RBPJ: variants seen among roughly 807,000 people sequenced by gnomAD.
RBPJ encodes the protein recombining binding protein suppressor of hairless.
Under a neutral mutation model 67.8 loss-of-function variants are expected in RBPJ, and 9 were observed. The ratio of observed to expected loss-of-function variants is 0.13; its 90% confidence interval spans 0.08 to 0.23. The LOEUF (loss-of-function observed/expected upper bound fraction) is 0.23, where lower values mean the gene tolerates loss of function less well. Among genes scored for constraint, RBPJ ranks in the 10% least tolerant of loss-of-function variants. The probability of loss-of-function intolerance (pLI) is 1.00; values close to 1 mark genes in which losing one functional copy is unlikely to be tolerated. For missense variants in RBPJ, 305 were observed against 595.6 expected (o/e 0.51, Z 5.08); for synonymous variants, 198 against 203.3 (o/e 0.97, Z 0.22).
At chr4:26,407,821 T>A (rs1207421028) in intron 3 of RBPJ, among the ~76,000 whole-genome samples, 1 of 151,310 alleles carries the variant, frequency 6.6e-6, no homozygotes, top group Non-Finnish European at 1.5e-5. Context: ...TAAAAGAGAA[T>A]TTTTAGGAAG....
chr4:26,338,150 T>C (rs1725078953), intron 1 of RBPJ, among the ~76,000 whole-genome samples: 1 of 145,872 alleles, frequency 6.9e-6, no homozygotes, highest in Non-Finnish European at 1.5e-5. Context: ...ATGTGTATTT[T>C]TCTTTCTTTT....
intron 1 of RBPJ, among the ~76,000 whole-genome samples, chr4:26,342,025 G>C (rs1412489398): frequency 6.6e-6 from 1 of 152,180 alleles, no homozygotes; most frequent in Non-Finnish European, 1.5e-5. Flanking sequence ...AATTCAGCAG[G>C]CATCAGAGTC....
chr4:26,152,212 G>A, the RBPJ span, among the ~76,000 whole-genome samples: 36 of 152,330 alleles, frequency 2.4e-4, no homozygotes, highest in Admixed American at 2.0e-3. Flanking sequence ...ATTCAGGAGT[G>A]GCTATGGGAC....
intron 1 of RBPJ, among the ~76,000 whole-genome samples, chr4:26,188,402 A>T (rs902709568): frequency 3.3e-5 from 5 of 152,236 alleles, no homozygotes; most frequent in African/African-American, 1.2e-4. Context: ...TCAACTTGAG[A>T]ACAGATTTGT....
chr4:26,327,814 C>T (rs1723795306), intron 1 of RBPJ, among the ~76,000 whole-genome samples: 1 of 151,922 alleles, frequency 6.6e-6, no homozygotes, highest in Non-Finnish European at 1.5e-5. Flanking sequence ...CACTGTACTC[C>T]AGCCTGGGTG....
chr4:26,207,554 T>C (rs1248351335), intron 1 of RBPJ, among the ~76,000 whole-genome samples: 1 of 152,210 alleles, frequency 6.6e-6, no homozygotes, highest in Non-Finnish European at 1.5e-5. Context: ...ACATGTGAGC[T>C]AAGGATAAAG....
At chr4:26,346,273 G>C (rs1036088337) in intron 1 of RBPJ, among the ~76,000 whole-genome samples, 1 of 152,212 alleles carries the variant, frequency 6.6e-6, no homozygotes, top group Non-Finnish European at 1.5e-5. Flanking sequence ...GACTTCCAGA[G>C]AGGAAAAGAC....
intron 2 of RBPJ, among the ~76,000 whole-genome samples, chr4:26,395,400 G>C (rs1183468707): frequency 1.3e-5 from 2 of 152,166 alleles, no homozygotes; most frequent in East Asian, 3.8e-4. Flanking sequence ...CAGTGAGCCG[G>C]ATTGTGCCAC....
At chr4:26,145,173 C>T in the RBPJ span, among the ~76,000 whole-genome samples, 1 of 151,980 alleles carries the variant, frequency 6.6e-6, no homozygotes, top group African/African-American at 2.4e-5. Context: ...ACAAGCTGCT[C>T]GTCCCAGACT....
chr4:26,109,031 C>A, the RBPJ span, among the ~76,000 whole-genome samples: 1 of 151,842 alleles, frequency 6.6e-6, no homozygotes, highest in Non-Finnish European at 1.5e-5. Flanking sequence ...CTCATTCTTA[C>A]TCTTCCTCAC....
chr4:26,289,384 C>CAAAAAAAAAAAAAAAAAAAAAAAA (rs60159669), intron 1 of RBPJ, among the ~76,000 whole-genome samples: 22 of 78,312 alleles, frequency 2.8e-4, no homozygotes, highest in African/African-American at 8.3e-4. Flanking sequence ...GACTTGGTCT[C>CAAAAAAAAAAAAAAAAAAAAAAAA]AAAAAAAAAA....
At chr4:26,200,989 G>A (rs1310643914) in intron 1 of RBPJ, among the ~76,000 whole-genome samples, 1 of 152,178 alleles carries the variant, frequency 6.6e-6, no homozygotes, top group Non-Finnish European at 1.5e-5. Flanking sequence ...TATGGATGCT[G>A]TTCCAAAACC....
At chr4:26,410,636 G>T (rs1733923443) in intron 3 of RBPJ, among the ~76,000 whole-genome samples, 1 of 152,156 alleles carries the variant, frequency 6.6e-6, no homozygotes, top group African/African-American at 2.4e-5. Flanking sequence ...CCTAAATATG[G>T]TCCTTGTGAA....
intron 1 of RBPJ, among the ~76,000 whole-genome samples, chr4:26,173,542 G>A (rs1183780074): frequency 6.6e-6 from 1 of 152,184 alleles, no homozygotes; most frequent in African/African-American, 2.4e-5. Context: ...ACTGACCTAT[G>A]TGAAATTTTA....
At chr4:26,315,167 A>AATATATATATATATATATAT (rs67496694), upstream of RBPJ, among the ~76,000 whole-genome samples, 6 of 74,752 alleles carry the variant, frequency 8.0e-5, no homozygotes, top group African/African-American at 4.0e-4. Context: ...AAAAAAAAAA[A>AATATATATATATATATATAT]ATATATATAT....
chr4:26,421,390 C>T (rs1303585823), intron 5 of RBPJ, among the ~76,000 whole-genome samples: 2 of 151,996 alleles, frequency 1.3e-5, no homozygotes, highest in Admixed American at 6.6e-5. Context: ...GCAACCTCCA[C>T]CTCCCGGGTT....
chr4:26,181,791 G>T (rs1033344215), intron 1 of RBPJ, among the ~76,000 whole-genome samples: 1 of 152,110 alleles, frequency 6.6e-6, no homozygotes, highest in Non-Finnish European at 1.5e-5. Context: ...TGGCCTAAAA[G>T]ATAAAAAATG....
At chr4:26,267,607 ATTTAT>A (rs1720744530) in intron 1 of RBPJ, among the ~76,000 whole-genome samples, 1 of 149,024 alleles carries the variant, frequency 6.7e-6, no homozygotes, top group South Asian at 2.1e-4. Flanking sequence ...TAATTTTTAA[ATTTAT>A]TTATTTATTT....
rs891183017 is a variant in RBPJ, at chr4:26,264,538, T to C, written c.-166-97908T>C. Reference sequence around the variant, plus strand: ...GTCCTTTGTTGCCCTCACAATTTCTTATCTTGCCATGTAATTCCCTCCTGT... The same window carrying C: ...GTCCTTTGTTGCCCTCACAATTTCTCATCTTGCCATGTAATTCCCTCCTGT... On this transcript the variant is annotated intron_variant, in intron 1 of 4. Transcript: ENST00000512351. This position sits in a 1 kb window ranked among gnomAD's most constrained non-coding sequence, Gnocchi z 4.1. Among the ~76,000 whole-genome samples the C allele has an allele frequency of 6.6e-6, 1 of 152,174 alleles. No homozygotes were observed. Among genetic ancestry groups the C allele is most frequent in the Admixed American group, 6.5e-5 (1 of 15,270 alleles).
Sources: gnomAD v4.1 joint callset for allele counts (sites outside exome capture counted in the v4.1 genomes callset) on GRCh38, gnomAD v4.1.1 for gene constraint, Gnocchi (gnomAD v3.1) non-coding constraint, MANE v1.5 for transcripts, NCBI Gene and HGNC (gene_info 2026-07-23, HGNC 2026-07-21) for gene names.